Variants in LAMB4 observed in about 807,000 individuals in gnomAD.
The protein encoded by LAMB4 is laminin subunit beta 4.
A neutral mutation model predicts 199.2 loss-of-function variants in LAMB4; 196 were observed. The ratio of observed to expected loss-of-function variants is 0.98; its 90% CI spans 0.88 to 1.11. The LOEUF is 1.11. Among genes scored for constraint, LAMB4 ranks in the 50% least tolerant of loss-of-function variants. LAMB4 has a pLI of 0.00. For missense variants in LAMB4, 2,080 were observed against 2,171.2 expected, an observed-to-expected ratio of 0.96 and a Z score of 0.83; for synonymous variants, 744 against 770.6, an observed-to-expected ratio of 0.97 and a Z score of 0.57.
chr7:108,066,405 T>A lies in LAMB4; in HGVS notation c.2642A>T (p.Asn881Ile), dbSNP rs557671436. The change falls in exon 20 of 34, where the codon AAT becomes ATT. Residue 881 changes from asparagine (N) to isoleucine (I), a missense_variant. Coordinates refer to ENST00000388781, the MANE Select transcript of LAMB4 (RefSeq NM_007356.3). ...LCDPETGSCF[N>I]CGGFTTGRNC... ...TCTGCCAGTTGTAAAGCCTCCACAA[T>A]TGAAGCATGACCCTGTCTCAGGATC... 1 of 1,614,158 alleles carries A rather than the reference T, an allele frequency of 6.2e-7. No homozygotes were observed. Among genetic ancestry groups the A allele is most frequent in the East Asian group, 2.2e-5 (1 of 44,888 alleles).
chr7:108,119,953 A>G (rs193146084), intron 2 of LAMB4, among the ~76,000 whole-genome samples: 21 of 152,298 alleles, frequency 1.4e-4, no homozygotes, highest in African/African-American at 4.8e-4. Flanking sequence ...ATAAAAAGTA[A>G]AAGAGACAAA....
Position 108,123,150 on chromosome 7 carries a change from C to A in LAMB4, c.15G>T (p.Leu5=). MQFQ[L]TLFLHLGWLS... ...ACTCACCAAGGTGCAAAAAAAGGGTCAGTTGAAATTGCATTCTTTTGTCAG... is the reference window on the plus strand; with the variant it reads ...ACTCACCAAGGTGCAAAAAAAGGGTAAGTTGAAATTGCATTCTTTTGTCAG... Residue 5 remains leucine, a synonymous_variant, in exon 2 of 34, where the codon CTG becomes CTT. Coordinates refer to ENST00000388781, the MANE Select transcript of LAMB4 (RefSeq NM_007356.3). The A allele has an allele frequency of 1.2e-6, 2 of 1,610,718 alleles. No individual in the cohort carries two copies. The highest frequency in any genetic ancestry group is 2.2e-5 in the South Asian group (2 of 90,332).
At chr7:108,098,865 A>G (rs1429797264) in intron 10 of LAMB4, among the ~76,000 whole-genome samples, 1 of 152,206 alleles carries the variant, frequency 6.6e-6, no homozygotes. Flanking sequence ...AGACTAGATT[A>G]TGTTAAGAAT....
chr7:108,065,626 T>C, intron 21 of LAMB4, 136 bp downstream of exon 21: 1 of 591,016 alleles, frequency 1.7e-6, no homozygotes, highest in Non-Finnish European at 2.8e-6. Flanking sequence ...AAAGCAGCTA[T>C]TTATCACATT....
intron 8 of LAMB4, 49 bp from the exon 9 acceptor site, chr7:108,104,668 A>T (rs1160402229): frequency 6.3e-7 from 1 of 1,590,628 alleles, no homozygotes; most frequent in Admixed American, 1.7e-5. Flanking sequence ...GTCCTTGGGG[A>T]CGTTGGGGTT....
intron 1 of LAMB4, among the ~76,000 whole-genome samples, chr7:108,126,556 T>TTTTTTC (rs2038789496): frequency 1.2e-5 from 1 of 84,516 alleles, no homozygotes; most frequent in Non-Finnish European, 2.3e-5. Context: ...ATTTCTTTCT[T>TTTTTTC]TTTTTTTTTT....
At position 108,034,220 on chromosome 7, in the gene LAMB4, CTTT is replaced by C. The variant is rs1318838129; in HGVS notation, c.4803_4805del (p.Lys1602del). ...AGAAGACAAATACCTGCAGCACATT[CTTT>C]TTTATTTTTGTTATATTGGCAGTCA... is the stretch of plus-strand genomic sequence containing the variant. On this transcript the variant is annotated inframe_deletion, in exon 31 of 34. Coordinates refer to ENST00000388781, the MANE Select transcript of LAMB4 (RefSeq NM_007356.3). The C allele has an allele frequency of 1.9e-6, 3 of 1,613,972 alleles. No homozygotes were observed. The Admixed American group carries it at 5.0e-5, about 27-fold the overall frequency.
chr7:108,052,204 T>C lies in LAMB4; in HGVS notation c.3809A>G (p.Asp1270Gly). The C allele has an allele frequency of 6.2e-7, 1 of 1,611,638 alleles. No homozygotes were observed. The highest frequency in any genetic ancestry group is 8.5e-7 in the Non-Finnish European group (1 of 1,178,796). ...EQLKAVYEFQ[D>G]LKDTIERAKN... ...TGCTCTTTCTATTGTATCTTTCAGA[T>C]CTTGAAATTCATACACTGCTTTCAG... Residue 1270 changes from aspartate (D) to glycine (G), a missense_variant, in exon 26 of 34, where the codon GAT becomes GGT. Coordinates refer to ENST00000388781, the MANE Select transcript of LAMB4 (RefSeq NM_007356.3).
Position 108,063,812 on chromosome 7 carries a change from G to T in LAMB4, c.3010C>A (p.Gln1004Lys). 1 of 1,614,218 alleles carries T rather than the reference G, an allele frequency of 6.2e-7. No individual in the cohort carries two copies. Among genetic ancestry groups the T allele is most frequent in the Non-Finnish European group, 8.5e-7 (1 of 1,180,038 alleles). The change falls in exon 22 of 34, where the codon CAG becomes AAG. Residue 1004 changes from glutamine to lysine, a missense_variant. By Grantham distance (53) the Gln-to-Lys change is moderately conservative. Coordinates refer to ENST00000388781, the MANE Select transcript of LAMB4 (RefSeq NM_007356.3). ...CCATAGTGACCTGGTTTGCAGAGCT[G>T]GCAGTTTGCGCCCTGAGTGTTGTGC... The part of the protein sequence containing the change: ...CLHNTQGANC[Q>K]LCKPGHYGSA...
Position 108,103,031 on chromosome 7 carries a change from C to T in LAMB4, c.1180+13G>A. The T allele has an allele frequency of 1.9e-6, 3 of 1,561,318 alleles. No individual in the cohort carries two copies. Among genetic ancestry groups the T allele is most frequent in the Non-Finnish European group, 2.6e-6 (3 of 1,143,998 alleles). Reference sequence around the variant, plus strand: ...AGACAGTGGGTAGGATCCAGGCAGACCCGGGGACTCACGAATGCACGCGTA... The same window carrying T: ...AGACAGTGGGTAGGATCCAGGCAGATCCGGGGACTCACGAATGCACGCGTA... On this transcript the variant is annotated intron_variant, in intron 10 of 33. Transcript: ENST00000388781.
chr7:108,078,497 C>A (rs113296983), intron 15 of LAMB4, among the ~76,000 whole-genome samples, 181 bp from the exon 16 acceptor site: 2,665 of 152,264 alleles, frequency 0.018, 79 homozygotes, highest in African/African-American at 0.06. Context: ...CTCTCTGATG[C>A]CTGAATTGTG....
intron 19 of LAMB4, among the ~76,000 whole-genome samples, chr7:108,066,802 C>A (rs909139776): frequency 1.3e-5 from 2 of 151,876 alleles, no homozygotes; most frequent in Non-Finnish European, 2.9e-5. Context: ...CAGTATGTTG[C>A]GAACAATTGG....
At chr7:108,032,384 C>T (rs1258804771) in intron 31 of LAMB4, among the ~76,000 whole-genome samples, 2 of 144,376 alleles carry the variant, frequency 1.4e-5, no homozygotes, top group African/African-American at 5.7e-5. Flanking sequence ...AGCGAGACTC[C>T]ATCCCAAAAA....
Position 108,107,839 on chromosome 7 carries a change from G to A in LAMB4, c.403-20C>T, listed in dbSNP as rs1271380700. The A allele has an allele frequency of 1.3e-6, 2 of 1,543,470 alleles. No individual in the cohort carries two copies. Among genetic ancestry groups the A allele is most frequent in the African/African-American group, 2.8e-5 (2 of 71,390 alleles). On this transcript the variant is annotated intron_variant, in intron 5 of 33. Coordinates refer to ENST00000388781, the MANE Select transcript of LAMB4 (RefSeq NM_007356.3). Reference sequence around the variant, plus strand: ...AAAAGTCTAGGAAAAATGAGTAAAAGTTGGCACATTTCACAAAGGCAGATT... The same window carrying A: ...AAAAGTCTAGGAAAAATGAGTAAAAATTGGCACATTTCACAAAGGCAGATT...
rs772926462 is a variant in LAMB4 at position 108,077,084 on chromosome 7, G to C, written c.2004-20C>G. ...ATGATTCTGTATTAAGAAAGATAAA[G>C]CAAAAATTCAGACCACAGAAATACA... On this transcript the variant is annotated intron_variant, in intron 16 of 33. Coordinates refer to ENST00000388781, the MANE Select transcript of LAMB4 (RefSeq NM_007356.3). 6 of 1,610,280 alleles carry C rather than the reference G, an allele frequency of 3.7e-6. No homozygotes were observed. In the South Asian group the frequency reaches 6.6e-5, roughly 18 times the overall value.
At chr7:108,124,577 C>T (rs929909548) in intron 1 of LAMB4, among the ~76,000 whole-genome samples, 1 of 152,020 alleles carries the variant, frequency 6.6e-6, no homozygotes, top group African/African-American at 2.4e-5. Context: ...TTCCAATTTA[C>T]ACTCTTATAA....
chr7:108,037,618 A>G (rs1316836326), intron 29 of LAMB4, 23 bp from the exon 30 acceptor site: 1 of 1,571,380 alleles, frequency 6.4e-7, no homozygotes, highest in Non-Finnish European at 8.8e-7. Context: ...GCAGGGTTTT[A>G]GGTAATCATG....
intron 11 of LAMB4, among the ~76,000 whole-genome samples, chr7:108,096,351 G>A (rs2037595836): frequency 6.7e-6 from 1 of 149,532 alleles, no homozygotes; most frequent in Non-Finnish European, 1.5e-5. Context: ...CCTTTTTAAG[G>A]AAGAATAAGA....
At chr7:108,031,090 T>C (rs929953951) in intron 31 of LAMB4, 111 bp from the exon 32 acceptor site, 6 of 695,694 alleles carry the variant, frequency 8.6e-6, no homozygotes, top group Non-Finnish European at 1.4e-5. Flanking sequence ...GAAAAGAAAA[T>C]AGTGCCTCCA....
Sources: gnomAD v4.1 joint callset for allele counts (sites outside exome capture counted in the v4.1 genomes callset) on GRCh38, gnomAD v4.1.1 for gene constraint, MANE v1.5 for transcripts, NCBI Gene and HGNC (gene_info 2026-07-23, HGNC 2026-07-21) for gene names.